ADGRV1: variants seen among roughly 807,000 people sequenced by gnomAD.
ADGRV1 encodes G-protein coupled receptor 98.
A neutral mutation model predicts 596.2 loss-of-function variants in ADGRV1; 359 were observed. The ratio of observed to expected loss-of-function variants is 0.60; its 90% CI spans 0.55 to 0.66. ADGRV1 has a LOEUF of 0.66. ADGRV1 is among the 30% of genes least tolerant of loss of function. The probability of loss-of-function intolerance (pLI) is 0.00; values close to 1 mark genes in which losing one functional copy is unlikely to be tolerated. For missense variants in ADGRV1, 7,274 were observed against 7,575.6 expected, an observed-to-expected ratio of 0.96 and a Z score of 1.48; for synonymous variants, 2,681 against 2,679.2, an observed-to-expected ratio of 1.00 and a Z score of -0.02.
chr5:90,995,230 T>A, intron 85 of ADGRV1, among the ~76,000 whole-genome samples: 1 of 152,232 alleles, frequency 6.6e-6, no homozygotes, highest in East Asian at 1.9e-4. Context: ...AGTAACTTCC[T>A]GTCTCCTTAC....
At chr5:90,967,444 G>A (rs1778575614) in intron 84 of ADGRV1, among the ~76,000 whole-genome samples, 2 of 152,124 alleles carry the variant, frequency 1.3e-5, no homozygotes, top group Admixed American at 6.6e-5. Flanking sequence ...GCTGAAATTA[G>A]AATAACATTT....
rs572715571 is a variant in ADGRV1 at position 90,797,005 on chromosome 5, C to T, written c.14517+5659C>T. ...CATGGAAAGTAAAACCGGTACCAGC[C>T]ACTGCAAAAACATACCAAATTATAA... is the stretch of plus-strand genomic sequence containing the variant. On this transcript the variant is annotated intron_variant, in intron 70 of 89. Transcript: ENST00000405460. Among the ~76,000 whole-genome samples, 3 of 152,134 alleles carry T rather than the reference C, an allele frequency of 2.0e-5. No homozygotes were observed. The South Asian group carries it at 6.2e-4, about 32-fold the overall frequency.
chr5:91,136,528 A>G (rs1247644612), intron 87 of ADGRV1, among the ~76,000 whole-genome samples: 1 of 152,252 alleles, frequency 6.6e-6, no homozygotes, highest in Non-Finnish European at 1.5e-5. Context: ...AAAGAAATCA[A>G]TCAACCAGGT....
In ADGRV1 at chr5:91,078,183, A is replaced by G. The variant is rs2126480721; in HGVS notation, c.18310+5579A>G. On this transcript the variant is annotated intron_variant, in intron 86 of 89. Coordinates refer to ENST00000405460, the MANE Select transcript of ADGRV1 (RefSeq NM_032119.4). The stretch of plus-strand genomic sequence containing the variant: ...CAACCTTAGAGTGAACAACAATAGT[A>G]ATATAAATCAATATTTTATTATTAT... Among the ~76,000 whole-genome samples, 2 of 152,220 alleles carry G rather than the reference A, an allele frequency of 1.3e-5. 1 individual carries two copies. Among genetic ancestry groups the G allele is most frequent in the South Asian group, 4.1e-4 (2 of 4,830 alleles).
chr5:90,722,716 CAAAAAAAAAAAAAAAAAAAAAAAAAAAAA>C lies in ADGRV1; in HGVS notation c.9748+1669_9748+1697del, dbSNP rs55761821. On this transcript the variant is annotated intron_variant, in intron 45 of 89. Coordinates refer to ENST00000405460, the MANE Select transcript of ADGRV1 (RefSeq NM_032119.4). ...GGCAACAAGAGCAAAAACTCCGTCT[CAAAAAAAAAAAAAAAAAAAAAAAAAAAAA>C]AAAAAAAAAAAGGTCTCTGCTGGAG... Among the ~76,000 whole-genome samples, 4 of 32,900 alleles carry C rather than the reference CAAAAAAAAAAAAAAAAAAAAAAAAAAAAA, an allele frequency of 1.2e-4. No individual in the cohort carries two copies. The South Asian group carries it at 5.7e-3, about 47-fold the overall frequency. 21.6% of individuals were successfully genotyped at this position (32,900 alleles called of 152,430 possible). A position where few individuals can be genotyped will look rare whatever the true frequency, so the allele number is the denominator to read the frequency against.
intron 21 of ADGRV1, among the ~76,000 whole-genome samples, chr5:90,668,682 A>C (rs945814306): frequency 6.6e-6 from 1 of 152,160 alleles, no homozygotes; most frequent in African/African-American, 2.4e-5. Flanking sequence ...AAGCTCTTTT[A>C]GAACTTAAAA....
At chr5:90,731,673 G>A (rs961711632) in intron 50 of ADGRV1, among the ~76,000 whole-genome samples, 1 of 152,200 alleles carries the variant, frequency 6.6e-6, no homozygotes, top group African/African-American at 2.4e-5. Flanking sequence ...GCTGAGATTG[G>A]AGATACAACA....
intron 86 of ADGRV1, among the ~76,000 whole-genome samples, chr5:91,074,325 C>G (rs12658697): frequency 0.45 from 68,962 of 151,952 alleles, 17,293 homozygotes; most frequent in Non-Finnish European, 0.57. Flanking sequence ...TCACCCTCCT[C>G]TTTCCCTCTA....
intron 87 of ADGRV1, among the ~76,000 whole-genome samples, chr5:91,120,384 C>T (rs2126741429): frequency 6.6e-6 from 1 of 152,274 alleles, no homozygotes; most frequent in South Asian, 2.1e-4. Context: ...ACTATGTGGG[C>T]CAGTCACAAA....
At chr5:90,677,282 T>G (rs1476163290) in intron 25 of ADGRV1, among the ~76,000 whole-genome samples, 1 of 152,194 alleles carries the variant, frequency 6.6e-6, no homozygotes, top group Admixed American at 6.5e-5. Context: ...AAATTTTTCT[T>G]TCCTGTGTTC....
chr5:90,583,407 C>T (rs191481521), intron 1 of ADGRV1, among the ~76,000 whole-genome samples: 1 of 152,148 alleles, frequency 6.6e-6, no homozygotes. Flanking sequence ...TTTCTGCTTT[C>T]ACATTTTATT....
chr5:91,032,560 T>C (rs1204859744), intron 85 of ADGRV1, among the ~76,000 whole-genome samples: 1 of 151,984 alleles, frequency 6.6e-6, no homozygotes, highest in Non-Finnish European at 1.5e-5. Flanking sequence ...CCTTGTCTTA[T>C]CTGTTTTGTT....
intron 70 of ADGRV1, among the ~76,000 whole-genome samples, chr5:90,794,884 GA>G (rs1424943225): frequency 1.3e-5 from 2 of 151,928 alleles, no homozygotes; most frequent in African/African-American, 4.8e-5. Context: ...AGGGGTTGGG[GA>G]ATTTTTGCCC....
intron 77 of ADGRV1, among the ~76,000 whole-genome samples, chr5:90,837,286 A>G (rs542951276): frequency 3.9e-5 from 6 of 152,206 alleles, no homozygotes; most frequent in Admixed American, 3.9e-4. Flanking sequence ...CTGAAAGCAC[A>G]CAAGTTCAAG....
At position 90,728,829 on chromosome 5, in the gene ADGRV1, G is replaced by C. The variant is rs200464486; in HGVS notation, c.10322G>C (p.Gly3441Ala). 3.8e-5 allele frequency: 61 copies of C among 1,613,832 alleles called. No individual in the cohort carries two copies. The African/African-American group carries it at 7.2e-4, about 19-fold the overall frequency. Reference protein sequence around the residue: ...NSLLFRWSGSGFINFQEVPVS... With the variant: ...NSLLFRWSGSAFINFQEVPVS... Reference sequence around the variant, plus strand: ...CTTTTATTCAGATGGTCTGGCAGTGGGTTTATTAACTTTCAAGAGGTGCCT... The same window carrying C: ...CTTTTATTCAGATGGTCTGGCAGTGCGTTTATTAACTTTCAAGAGGTGCCT... Residue 3441 changes from glycine (G) to alanine (A), a missense_variant, in exon 49 of 90, where the codon GGG becomes GCG. Coordinates refer to ENST00000405460, the MANE Select transcript of ADGRV1 (RefSeq NM_032119.4).
chr5:90,876,445 G>A (rs1366742014), intron 83 of ADGRV1, among the ~76,000 whole-genome samples: 3 of 152,066 alleles, frequency 2.0e-5, no homozygotes, highest in African/African-American at 4.8e-5. Flanking sequence ...CTTCACAGGA[G>A]GACAAAGGCT....
intron 53 of ADGRV1, among the ~76,000 whole-genome samples, chr5:90,751,853 A>C (rs1273529597): frequency 6.6e-6 from 1 of 152,238 alleles, no homozygotes; most frequent in Non-Finnish European, 1.5e-5. Flanking sequence ...TATTTACTTT[A>C]GGTAAGCTAC....
At chr5:90,631,059 C>A (rs1765435749) in intron 9 of ADGRV1, among the ~76,000 whole-genome samples, 1 of 152,048 alleles carries the variant, frequency 6.6e-6, no homozygotes, top group Non-Finnish European at 1.5e-5. Flanking sequence ...CTTTGAGCAC[C>A]TGAAATGTGA....
chr5:90,853,410 A>G lies in ADGRV1; in HGVS notation c.17331A>G (p.Leu5777=), dbSNP rs753654482. 8 of 1,613,618 alleles carry G rather than the reference A, an allele frequency of 5.0e-6. No homozygotes were observed. The highest frequency in any genetic ancestry group is 6.8e-6 in the Non-Finnish European group (8 of 1,179,612). ...EGDYIRIPER[L]LDVQDAEIMA... ...ATTACATTCGAATTCCAGAGAGGCT[A>G]CTGGATGTCCAGGATGCAGAAATAA... The change falls in exon 80 of 90, where the codon CTA becomes CTG. Residue 5777 remains leucine (L), a synonymous_variant. Transcript: ENST00000405460.
Sources: gnomAD v4.1 joint callset for allele counts (sites outside exome capture counted in the v4.1 genomes callset) on GRCh38, gnomAD v4.1.1 for gene constraint, MANE v1.5 for transcripts, NCBI Gene and HGNC (gene_info 2026-07-23, HGNC 2026-07-21) for gene names.